ITPR1: variants seen among roughly 807,000 people sequenced by gnomAD.
ITPR1 encodes inositol 1,4,5-trisphosphate receptor type 1, also known as inositol 1,4,5-trisphosphate-gated calcium channel ITPR1.
ITPR1 carries 96 observed loss-of-function variants against 318.4 expected under a neutral mutation model. The ratio of observed to expected loss-of-function variants is 0.30; its 90% confidence interval spans 0.26 to 0.36. The LOEUF (loss-of-function observed/expected upper bound fraction) is 0.36. Ranked by LOEUF, ITPR1 falls within the 10% of genes least tolerant of loss-of-function variation. The pLI, the probability that ITPR1 is intolerant of heterozygous loss-of-function variation, is 1.00. For missense variants in ITPR1, 2,440 were observed against 3,460.2 expected (o/e 0.71, Z 7.40); for synonymous variants, 1,312 against 1,289.9 (o/e 1.02, Z -0.37).
At chr3:4,587,965 T>C (rs886366860) in intron 4 of ITPR1, among the ~76,000 whole-genome samples, 2 of 11,782 alleles carry the variant, frequency 1.7e-4, no homozygotes, top group African/African-American at 8.0e-4. Context: ...AGGGAGATTC[T>C]CCCTAAGCAT....
Position 4,789,046 on chromosome 3 carries a change from C to A in ITPR1, c.6808+907C>A, listed in dbSNP as rs569896524. On this transcript the variant is annotated intron_variant, in intron 52 of 61. Transcript: ENST00000649015. ...CTTCCCTTTTCTCCCTACCTGCCTG[C>A]ATCCCTAGATCAGGCTAATGGCAGA... is the stretch of plus-strand genomic sequence containing the variant. 3.3e-4 allele frequency among the ~76,000 whole-genome samples: 51 copies of A among 152,310 alleles called. 2 individuals are homozygous for A. The South Asian group carries it at 1.0e-2, about 30-fold the overall frequency.
At chr3:4,615,613 T>C (rs1405742977) in intron 4 of ITPR1, among the ~76,000 whole-genome samples, 2 of 152,102 alleles carry the variant, frequency 1.3e-5, no homozygotes, top group African/African-American at 4.8e-5. Context: ...TGACCTCAGG[T>C]GATCCACTCG....
intron 34 of ITPR1, 132 bp from the exon 35 acceptor site, chr3:4,699,681 A>C: frequency 2.7e-6 from 2 of 741,252 alleles, no homozygotes; most frequent in Admixed American, 2.6e-5. Flanking sequence ...ATGATTCCTT[A>C]AGGGGAGAAA....
intron 30 of ITPR1, among the ~76,000 whole-genome samples, chr3:4,685,671 G>A (rs574008033): frequency 6.6e-6 from 1 of 152,328 alleles, no homozygotes; most frequent in African/African-American, 2.4e-5. Context: ...ATCAGGTGAT[G>A]CTTTGATCTA....
At chr3:4,700,144 C>T (rs1362889605) in intron 35 of ITPR1, among the ~76,000 whole-genome samples, 1 of 152,210 alleles carries the variant, frequency 6.6e-6, no homozygotes, top group Non-Finnish European at 1.5e-5. Context: ...CTGAATGGTT[C>T]TGTTAACTGT....
rs1258950123 is a variant in ITPR1 at position 4,684,352 on chromosome 3, C to T, written c.3564+6C>T. On this transcript the variant is annotated splice_donor_region_variant and intron_variant, in intron 29 of 61. Transcript: ENST00000649015. ...ACTACAGAGTGGTCAAAGAGGTAAG[C>T]TCCTCCCCCACCACCATTTTTCCTT... 1 of 1,602,272 alleles carries T rather than the reference C, an allele frequency of 6.2e-7. No homozygotes were observed. Among genetic ancestry groups the T allele is most frequent in the Non-Finnish European group, 8.5e-7 (1 of 1,170,046 alleles).
intron 4 of ITPR1, among the ~76,000 whole-genome samples, chr3:4,622,678 C>G (rs941445322): frequency 3.3e-5 from 5 of 152,140 alleles, no homozygotes; most frequent in Admixed American, 3.3e-4. Flanking sequence ...CTCCCAAAGT[C>G]CTGGGCTTAC....
chr3:4,650,054 G>A (rs1368909644), intron 10 of ITPR1, among the ~76,000 whole-genome samples: 3 of 152,176 alleles, frequency 2.0e-5, no homozygotes, highest in African/African-American at 7.2e-5. Context: ...ACATGTATCA[G>A]TACTTCATTT....
chr3:4,836,985 A>G, intron 61 of ITPR1, 50 bp downstream of exon 61: 2 of 1,441,986 alleles, frequency 1.4e-6, no homozygotes, highest in South Asian at 1.5e-5. Context: ...ATCCCCACCC[A>G]CACCCACTAT....
intron 48 of ITPR1, 49 bp downstream of exon 48, chr3:4,777,423 T>G: frequency 8.1e-7 from 1 of 1,227,178 alleles, no homozygotes; most frequent in Non-Finnish European, 1.2e-6. Context: ...ACAGTCACTT[T>G]TGTGTTTTGC....
At chr3:4,641,904 C>G (rs1467894251) in intron 6 of ITPR1, among the ~76,000 whole-genome samples, 189 bp from the exon 7 acceptor site, 1 of 152,166 alleles carries the variant, frequency 6.6e-6, no homozygotes, top group South Asian at 2.1e-4. Context: ...TCTGCCCTCT[C>G]TTTCTGCTCC....
At chr3:4,768,401 G>A in intron 45 of ITPR1, 110 bp from the exon 46 acceptor site, 2 of 1,292,238 alleles carry the variant, frequency 1.5e-6, no homozygotes, top group African/African-American at 3.0e-5. Flanking sequence ...TGCCAACTTT[G>A]AACGTCTCTA....
chr3:4,637,042 G>T (rs2093212036), intron 5 of ITPR1, among the ~76,000 whole-genome samples: 1 of 152,200 alleles, frequency 6.6e-6, no homozygotes, highest in Admixed American at 6.5e-5. Context: ...GAATGCTCAT[G>T]AGCAGTTTTT....
At chr3:4,688,082 G>A (rs1009620022) in intron 30 of ITPR1, among the ~76,000 whole-genome samples, 1 of 152,136 alleles carries the variant, frequency 6.6e-6, no homozygotes, top group Non-Finnish European at 1.5e-5. Context: ...TTTTGTTAGA[G>A]ATGGGTGTCT....
intron 61 of ITPR1, among the ~76,000 whole-genome samples, chr3:4,838,883 C>CG (rs2051126320): frequency 6.6e-6 from 1 of 151,982 alleles, no homozygotes; most frequent in Non-Finnish European, 1.5e-5. Flanking sequence ...AACCAGGCAA[C>CG]GCCTCCCTAC....
At chr3:4,724,786 C>T (rs113424639) in intron 40 of ITPR1, among the ~76,000 whole-genome samples, 6 of 152,100 alleles carry the variant, frequency 3.9e-5, no homozygotes, top group Admixed American at 1.3e-4. Flanking sequence ...CATGTCCTTT[C>T]GAGGCATCCT....
intron 60 of ITPR1, among the ~76,000 whole-genome samples, chr3:4,827,274 A>G (rs6766684): frequency 0.6 from 90,906 of 152,028 alleles, 27,674 homozygotes; most frequent in Middle Eastern, 0.72. Context: ...CCCCTGCTTC[A>G]ACTCCTTCAT....
chr3:4,601,485 G>C (rs11717313), intron 4 of ITPR1, among the ~76,000 whole-genome samples: 10,769 of 143,972 alleles, frequency 0.075, 533 homozygotes, highest in Non-Finnish European at 0.11. Context: ...GGGCAATGGA[G>C]TGAGACCCTG....
intron 5 of ITPR1, 136 bp downstream of exon 5, chr3:4,628,014 G>A (rs2092895418): frequency 3.5e-6 from 2 of 565,448 alleles, no homozygotes; most frequent in Non-Finnish European, 6.3e-6. Flanking sequence ...TTTCGTGAAG[G>A]GGTAGAAGGG....
Sources: allele counts gnomAD v4.1 joint callset (sites outside exome capture counted in the v4.1 genomes callset), GRCh38; gene constraint gnomAD v4.1.1; transcripts MANE v1.5; gene names NCBI Gene and HGNC (gene_info 2026-07-23, HGNC 2026-07-21).